Variants in ALDH1A1 observed in about 807,000 individuals in gnomAD.
The protein encoded by ALDH1A1 is aldehyde dehydrogenase 1A1.
ALDH1A1 carries 19 observed loss-of-function variants against 62.1 expected under a neutral mutation model. The ratio of observed to expected loss-of-function variants is 0.31; its 90% CI spans 0.21 to 0.45. The LOEUF (loss-of-function observed/expected upper bound fraction) is 0.45. Ranked by LOEUF, ALDH1A1 falls within the 20% of genes least tolerant of loss-of-function variation. The pLI is 1.00. For synonymous variants in ALDH1A1, 231 were observed against 215.9 expected (o/e 1.07, Z -0.61); for missense variants, 521 against 607.1 (o/e 0.86, Z 1.49).
chr9:72,923,989 T>C (rs777260121), intron 7 of ALDH1A1, 30 bp downstream of exon 7: 1 of 1,477,564 alleles, frequency 6.8e-7, no homozygotes, highest in Admixed American at 2.1e-5. Context: ...GCAGACATTC[T>C]TAACTTTTGC....
intron 11 of ALDH1A1, among the ~76,000 whole-genome samples, chr9:72,906,243 T>C (rs570918864): frequency 6.6e-6 from 1 of 152,258 alleles, no homozygotes; most frequent in East Asian, 1.9e-4. Flanking sequence ...AGTGCAACTA[T>C]ATATATGGAT....
At chr9:72,912,880 C>T (rs1288375389) in intron 9 of ALDH1A1, among the ~76,000 whole-genome samples, 2 of 152,166 alleles carry the variant, frequency 1.3e-5, no homozygotes, top group Non-Finnish European at 1.5e-5. Context: ...GGAACACGTA[C>T]CTCTTCAAGC....
intron 9 of ALDH1A1, 131 bp downstream of exon 9, chr9:72,916,789 C>G (rs1351380282): frequency 7.4e-6 from 5 of 679,228 alleles, no homozygotes; most frequent in Non-Finnish European, 1.1e-5. Flanking sequence ...TTTTAAACAC[C>G]AAACTGGCAC....
chr9:72,927,085 A>C, intron 5 of ALDH1A1, 31 bp downstream of exon 5: 1 of 1,518,722 alleles, frequency 6.6e-7, no homozygotes, highest in Non-Finnish European at 9.0e-7. Context: ...CTTCTTTTTA[A>C]AATTGAGAAT....
chr9:72,931,047 T>C lies in ALDH1A1; in HGVS notation c.172-28A>G, dbSNP rs374323709. 6 of 1,613,444 alleles carry C rather than the reference T, an allele frequency of 3.7e-6. No homozygotes were observed. The African/African-American group carries it at 8.0e-5, about 22-fold the overall frequency. ...GTAAGTCAACAGGAATTCAATTCAG[T>C]AAGCTAAACATATTAGGCAAGCAAA... On this transcript the variant is annotated intron_variant, in intron 2 of 12. Transcript: ENST00000297785.
intron 1 of ALDH1A1, among the ~76,000 whole-genome samples, chr9:72,940,684 T>C (rs1254202262): frequency 6.6e-6 from 1 of 152,152 alleles, no homozygotes; most frequent in African/African-American, 2.4e-5. Flanking sequence ...CTTTAATGTT[T>C]TAAAGTTAAA....
chr9:72,938,939 C>T (rs1830379612), intron 2 of ALDH1A1, among the ~76,000 whole-genome samples: 1 of 151,792 alleles, frequency 6.6e-6, no homozygotes, highest in African/African-American at 2.4e-5. Flanking sequence ...GGTGGGGTTT[C>T]ACCATGTTGG....
At chr9:72,951,531 A>C (rs1293650906) in intron 1 of ALDH1A1, among the ~76,000 whole-genome samples, 1 of 151,836 alleles carries the variant, frequency 6.6e-6, no homozygotes, top group African/African-American at 2.4e-5. Context: ...CCCATTAATA[A>C]TAGTAATACA....
intron 1 of ALDH1A1, among the ~76,000 whole-genome samples, chr9:72,943,362 T>G (rs2118573508): frequency 6.6e-6 from 1 of 152,254 alleles, no homozygotes; most frequent in South Asian, 2.1e-4. Context: ...TACACACTTT[T>G]TTGTAAAAGA....
chr9:72,931,100 A>G, intron 2 of ALDH1A1, 81 bp from the exon 3 acceptor site: 1 of 1,517,184 alleles, frequency 6.6e-7, no homozygotes, highest in Non-Finnish European at 9.1e-7. Context: ...TGTAAAATAG[A>G]CTGTAGTGCC....
At chr9:72,904,381 C>T (rs1038074880) in intron 12 of ALDH1A1, among the ~76,000 whole-genome samples, 3 of 152,060 alleles carry the variant, frequency 2.0e-5, no homozygotes, top group African/African-American at 7.2e-5. Flanking sequence ...ACTCTGAAAT[C>T]ATATTTTTCA....
chr9:72,932,968 C>T (rs926359864), intron 2 of ALDH1A1, among the ~76,000 whole-genome samples: 5 of 152,164 alleles, frequency 3.3e-5, no homozygotes, highest in African/African-American at 1.2e-4. Flanking sequence ...GGAGAACTGG[C>T]TTCAAGATAA....
intron 3 of ALDH1A1, 55 bp downstream of exon 3, chr9:72,930,824 A>G: frequency 6.2e-7 from 1 of 1,605,946 alleles, no homozygotes; most frequent in South Asian, 1.1e-5. Context: ...TGCCATTTCA[A>G]ACGCTGAATG....
At chr9:72,932,629 C>T (rs917719054) in intron 2 of ALDH1A1, among the ~76,000 whole-genome samples, 1 of 152,128 alleles carries the variant, frequency 6.6e-6, no homozygotes, top group Admixed American at 6.6e-5. Flanking sequence ...TTATTGCCTG[C>T]CTTTCCTGAG....
In ALDH1A1 at chr9:72,901,135, A is replaced by T; in HGVS notation, c.*73T>A. ...TCAAGAAAAGAAAAATTTTGTCTTT[A>T]AAATCTACTATATTAGTGACTGTAA... On this transcript the variant is annotated 3_prime_UTR_variant, in exon 13 of 13. Transcript: ENST00000297785. 8.4e-7 allele frequency: 1 copy of T among 1,192,652 alleles called. No homozygotes were observed. The highest frequency in any genetic ancestry group is 1.2e-6 in the Non-Finnish European group (1 of 839,716). The allele number at this position is 1,192,652 out of a possible 1,614,324, so 73.9% of individuals were successfully genotyped here.
At position 72,930,010 on chromosome 9, in the gene ALDH1A1, A is replaced by G. The variant is rs1338808848; in HGVS notation, c.312+869T>C. ...AATTATGTTGAATATTTGAGTAATA[A>G]ATGGTCCTTTGATTAACCATACTTG... On this transcript the variant is annotated intron_variant, in intron 3 of 12. Transcript: ENST00000297785. 3.3e-5 allele frequency among the ~76,000 whole-genome samples: 5 copies of G among 152,206 alleles called. No individual in the cohort carries two copies. In the East Asian group the frequency reaches 9.6e-4, roughly 29 times the overall value.
At chr9:72,919,747 C>A (rs8187951) in intron 7 of ALDH1A1, among the ~76,000 whole-genome samples, 1,860 of 152,280 alleles carry the variant, frequency 0.012, 44 homozygotes, top group African/African-American at 0.043. Flanking sequence ...ACACACACAC[C>A]TTTGAACAGT....
In ALDH1A1 at chr9:72,912,030, C is replaced by T; in HGVS notation, c.1128G>A (p.Gly376=). The T allele has an allele frequency of 6.2e-7, 1 of 1,613,878 alleles. No individual in the cohort carries two copies. Among genetic ancestry groups the T allele is most frequent in the East Asian group, 2.2e-5 (1 of 44,874 alleles). ...AKLECGGGPW[G]NKGYFVQPTV... ...TGGGCTGGACAAAGTAGCCTTTATT[C>T]CCCCACGGGCCTCCTCCACATTCCA... is the stretch of plus-strand genomic sequence containing the variant. Residue 376 remains glycine (G), a synonymous_variant, in exon 10 of 13, where the codon GGG becomes GGA. Coordinates refer to ENST00000297785, the MANE Select transcript of ALDH1A1 (RefSeq NM_000689.5).
chr9:72,913,722 C>G (rs534991060), intron 9 of ALDH1A1, among the ~76,000 whole-genome samples: 1 of 152,320 alleles, frequency 6.6e-6, no homozygotes, highest in Non-Finnish European at 1.5e-5. Flanking sequence ...TATAAAACTA[C>G]AGGCCTTTGT....
Sources: allele counts gnomAD v4.1 joint callset (sites outside exome capture counted in the v4.1 genomes callset), GRCh38; gene constraint gnomAD v4.1.1; transcripts MANE v1.5; gene names NCBI Gene and HGNC (gene_info 2026-07-23, HGNC 2026-07-21).